The following NPY2R variants were observed in gnomAD, a reference collection of about 807,000 sequenced individuals.
NPY2R encodes the protein neuropeptide Y receptor type 2.
NPY2R carries 17 observed loss-of-function variants against 22.3 expected under a neutral mutation model. That is an observed-to-expected ratio of 0.76 (90% CI 0.52 to 1.14). The LOEUF (loss-of-function observed/expected upper bound fraction) is 1.14. NPY2R is among the 50% of genes most tolerant of loss of function. NPY2R has a pLI of 0.00. For missense variants in NPY2R, 424 were observed against 467.9 expected (o/e 0.91, Z 0.87); for synonymous variants, 209 against 183.4 (o/e 1.14, Z -1.13).
chr4:155,175,598 T>C, the NPY2R span, among the ~76,000 whole-genome samples: 2 of 152,174 alleles, frequency 1.3e-5, no homozygotes, highest in Non-Finnish European at 2.9e-5. Context: ...AATATGCATA[T>C]AATAGCGATT....
chr4:155,207,222 A>G (rs1205173734), upstream of NPY2R: 1 of 152,252 alleles, frequency 6.6e-6, no homozygotes, highest in Non-Finnish European at 1.5e-5. Flanking sequence ...AAAACCCTGA[A>G]GGAACTGAAA....
the NPY2R span, among the ~76,000 whole-genome samples, chr4:155,177,458 T>C: frequency 6.6e-6 from 1 of 152,006 alleles, no homozygotes; most frequent in Non-Finnish European, 1.5e-5. Flanking sequence ...TTTGACTCCA[T>C]GTCGAACCTC....
the NPY2R span, among the ~76,000 whole-genome samples, chr4:155,181,539 A>G: frequency 6.6e-6 from 1 of 152,166 alleles, no homozygotes; most frequent in Non-Finnish European, 1.5e-5. Flanking sequence ...TTTAAAGGTG[A>G]TGGTATTAAG....
chr4:155,201,760 T>C, the NPY2R span, among the ~76,000 whole-genome samples: 8,725 of 152,216 alleles, frequency 0.057, 796 homozygotes, highest in African/African-American at 0.2. Context: ...TGCAAACTTA[T>C]AGAAAATTGT....
the NPY2R span, among the ~76,000 whole-genome samples, chr4:155,184,023 C>T: frequency 9.9e-5 from 15 of 152,276 alleles, no homozygotes; most frequent in East Asian, 1.9e-4. Context: ...CTCCTGTCTC[C>T]GCTTTAGACT....
chr4:155,185,232 G>A, the NPY2R span, among the ~76,000 whole-genome samples: 197 of 152,048 alleles, frequency 1.3e-3, no homozygotes, highest in African/African-American at 4.5e-3. Context: ...TAGAGACGGG[G>A]TTTCACCATA....
intron 1 of NPY2R, among the ~76,000 whole-genome samples, chr4:155,210,858 T>C (rs75620154): frequency 0.065 from 9,910 of 152,054 alleles, 388 homozygotes; most frequent in Middle Eastern, 0.13. Flanking sequence ...GTGAGATAAA[T>C]GGAGCGGGAG....
the NPY2R span, among the ~76,000 whole-genome samples, chr4:155,183,693 C>A: frequency 6.6e-6 from 1 of 152,092 alleles, no homozygotes; most frequent in Non-Finnish European, 1.5e-5. Context: ...ATGAGTGAAC[C>A]ATTGGAACCA....
the NPY2R span, among the ~76,000 whole-genome samples, chr4:155,191,558 T>G: frequency 3.3e-5 from 5 of 152,040 alleles, no homozygotes; most frequent in African/African-American, 1.2e-4. Context: ...ACGTTTCACA[T>G]TAATGTTTTC....
the NPY2R span, among the ~76,000 whole-genome samples, chr4:155,176,818 C>T: frequency 6.6e-6 from 1 of 152,110 alleles, no homozygotes; most frequent in South Asian, 2.1e-4. Context: ...AGTGTCCCTT[C>T]CAAAATGGTG....
chr4:155,189,775 A>G, the NPY2R span, among the ~76,000 whole-genome samples: 1 of 151,830 alleles, frequency 6.6e-6, no homozygotes, highest in African/African-American at 2.4e-5. Context: ...TCCTAATTCA[A>G]TTTTTTATAA....
intron 1 of NPY2R, among the ~76,000 whole-genome samples, chr4:155,210,544 T>C (rs938031073): frequency 2.6e-5 from 4 of 152,176 alleles, no homozygotes; most frequent in Admixed American, 1.3e-4. Context: ...GTAACTGTAC[T>C]CTAAAACCAG....
the NPY2R span, among the ~76,000 whole-genome samples, chr4:155,180,918 G>A: frequency 1.5e-3 from 233 of 151,932 alleles, no homozygotes; most frequent in African/African-American, 5.3e-3. Flanking sequence ...ATGAAATTAC[G>A]TTTTATTGGT....
At position 155,214,379 on chromosome 4, in the gene NPY2R, A is replaced by C. The variant is rs1432638982; in HGVS notation, c.440A>C (p.Asp147Ala). ...ATCACCTTGACAGTAATTGCCCTGG[A>C]CCGGCACAGGTGCATCGTCTACCAC... Reference protein sequence around the residue: ...STITLTVIALDRHRCIVYHLE... With the variant: ...STITLTVIALARHRCIVYHLE... The change falls in exon 2 of 2, where the codon GAC (aspartate) becomes GCC (alanine). Residue 147 changes from aspartate (D) to alanine (A), a missense_variant. By Grantham distance (126) the Asp-to-Ala change is moderately radical (BLOSUM62 -2). Coordinates refer to ENST00000329476, the MANE Select transcript of NPY2R (RefSeq NM_000910.4). 1 of 1,614,066 alleles carries C rather than the reference A, an allele frequency of 6.2e-7. No individual in the cohort carries two copies. The highest frequency in any genetic ancestry group is 1.7e-5 in the Admixed American group (1 of 60,014).
At position 155,215,000 on chromosome 4, in the gene NPY2R, C is replaced by T; in HGVS notation, c.1061C>T (p.Ser354Phe). 1 of 1,614,134 alleles carries T rather than the reference C, an allele frequency of 6.2e-7. No individual in the cohort carries two copies. ...QRLDAIHSEV[S>F]VTFKAKKNLE... is the part of the protein sequence containing the mutation. Reference sequence around the variant, plus strand: ...TTGGATGCCATTCACTCTGAGGTGTCCGTGACATTCAAGGCTAAAAAGAAC... The same window carrying T: ...TTGGATGCCATTCACTCTGAGGTGTTCGTGACATTCAAGGCTAAAAAGAAC... Residue 354 changes from serine to phenylalanine, a missense_variant, in exon 2 of 2, where the codon TCC becomes TTC. Coordinates refer to ENST00000329476, the MANE Select transcript of NPY2R (RefSeq NM_000910.4).
the NPY2R span, among the ~76,000 whole-genome samples, chr4:155,180,474 C>G: frequency 0.47 from 71,601 of 151,926 alleles, 17,578 homozygotes; most frequent in East Asian, 0.69. Context: ...GATTTTTTTA[C>G]ATATTCTTTC....
chr4:155,178,161 C>G, the NPY2R span, among the ~76,000 whole-genome samples: 1 of 152,146 alleles, frequency 6.6e-6, no homozygotes, highest in Admixed American at 6.6e-5. Context: ...ACTGTGAGAT[C>G]ATCTGCTCTT....
intron 1 of NPY2R, among the ~76,000 whole-genome samples, chr4:155,210,964 C>A (rs1266949403): frequency 7.4e-6 from 1 of 134,746 alleles, no homozygotes; most frequent in East Asian, 2.5e-4. Flanking sequence ...ATTAATTTAA[C>A]AGGGTCTCAG....
At chr4:155,188,502 A>G in the NPY2R span, among the ~76,000 whole-genome samples, 1 of 152,088 alleles carries the variant, frequency 6.6e-6, no homozygotes, top group East Asian at 1.9e-4. Context: ...TTGAGTATGG[A>G]CACCATGTGA....
Sources: gnomAD v4.1 joint callset for allele counts (sites outside exome capture counted in the v4.1 genomes callset) on GRCh38, gnomAD v4.1.1 for gene constraint, MANE v1.5 for transcripts, NCBI Gene and HGNC (gene_info 2026-07-23, HGNC 2026-07-21) for gene names.